Variants in ANO4 observed in about 807,000 individuals in gnomAD.
ANO4 encodes the protein anoctamin-4.
A neutral mutation model predicts 141.9 loss-of-function variants in ANO4; 69 were observed. The ratio of observed to expected loss-of-function variants is 0.49; its 90% CI spans 0.40 to 0.59. ANO4 has a LOEUF of 0.59. Ranked by LOEUF, ANO4 falls within the 20% of genes least tolerant of loss-of-function variation. The pLI is 0.00. For synonymous variants in ANO4, 350 were observed against 394.3 expected (o/e 0.89, Z 1.33); for missense variants, 894 against 1,162.2 (o/e 0.77, Z 3.36).
intron 7 of ANO4, among the ~76,000 whole-genome samples, chr12:100,986,653 C>T (rs1039107020): frequency 3.9e-5 from 6 of 152,120 alleles, no homozygotes; most frequent in East Asian, 1.9e-4. Flanking sequence ...CCAAATTCCA[C>T]GTGTTTTCAG....
intron 25 of ANO4, among the ~76,000 whole-genome samples, chr12:101,118,724 TTATC>T (rs2050955333): frequency 6.6e-6 from 1 of 152,162 alleles, no homozygotes; most frequent in Admixed American, 6.5e-5. Context: ...ATTTATTTAT[TTATC>T]TTTTTATACT....
intron 22 of ANO4, 114 bp from the exon 23 acceptor site, chr12:101,110,290 G>C: frequency 9.0e-7 from 1 of 1,106,624 alleles, no homozygotes; most frequent in Non-Finnish European, 1.2e-6. Context: ...TCCCCTGTGC[G>C]TCTGTATTGG....
At chr12:101,032,419 A>G (rs904892730) in intron 9 of ANO4, among the ~76,000 whole-genome samples, 1 of 152,100 alleles carries the variant, frequency 6.6e-6, no homozygotes, top group Non-Finnish European at 1.5e-5. Flanking sequence ...TACGTCTTAT[A>G]CAAAAATTAA....
intron 24 of ANO4, 106 bp downstream of exon 24, chr12:101,111,816 G>T (rs1047108839): frequency 1.7e-5 from 17 of 982,624 alleles, no homozygotes; most frequent in Middle Eastern, 2.3e-4. Context: ...TACATGCCCA[G>T]AAGGAGAGGC....
intron 15 of ANO4, 54 bp from the exon 16 acceptor site, chr12:101,083,624 T>A (rs1294409421): frequency 6.5e-7 from 1 of 1,550,020 alleles, no homozygotes; most frequent in Non-Finnish European, 8.6e-7. Context: ...TATTTCTTTT[T>A]TTATTGTGTG....
intron 1 of ANO4, among the ~76,000 whole-genome samples, chr12:100,829,844 CA>C (rs1250077966): frequency 6.6e-6 from 1 of 152,024 alleles, no homozygotes; most frequent in Non-Finnish European, 1.5e-5. Flanking sequence ...CCATAGCTTT[CA>C]GTGACGTTAA....
chr12:100,782,980 C>G (rs1021527562), intron 3 of ANO4, among the ~76,000 whole-genome samples: 1 of 152,212 alleles, frequency 6.6e-6, no homozygotes, highest in Non-Finnish European at 1.5e-5. Flanking sequence ...TCAAGCAATA[C>G]TCAGCCTGTG....
chr12:100,910,998 A>G (rs2136064185), intron 2 of ANO4, among the ~76,000 whole-genome samples: 1 of 152,224 alleles, frequency 6.6e-6, no homozygotes, highest in East Asian at 1.9e-4. Context: ...TCCAGGAGAG[A>G]AACATTAGGA....
chr12:100,863,877 C>T (rs1021315894), intron 1 of ANO4, among the ~76,000 whole-genome samples: 1 of 152,166 alleles, frequency 6.6e-6, no homozygotes, highest in Non-Finnish European at 1.5e-5. Flanking sequence ...ACTGATCTCA[C>T]TGCCTTGTCT....
At chr12:100,853,594 C>A (rs2038000449) in intron 1 of ANO4, among the ~76,000 whole-genome samples, 1 of 145,812 alleles carries the variant, frequency 6.9e-6, no homozygotes, top group South Asian at 2.3e-4. Flanking sequence ...TTTTAAATAA[C>A]TTTTGGTATC....
rs866182772 is a variant in ANO4 at position 101,027,017 on chromosome 12, C to T, written c.841+6877C>T. Among the ~76,000 whole-genome samples the T allele has an allele frequency of 1.3e-5, 2 of 152,150 alleles. 1 individual carries two copies. Among genetic ancestry groups the T allele is most frequent in the African/African-American group, 4.8e-5 (2 of 41,440 alleles). The stretch of plus-strand genomic sequence containing the variant: ...AAGAACCATCATTAATGTGTGAATC[C>T]TTCATTGGCAACCAAGGTATCTTCT... On this transcript the variant is annotated intron_variant, in intron 9 of 27. Coordinates refer to ENST00000392977, the MANE Select transcript of ANO4 (RefSeq NM_001286615.2).
intron 21 of ANO4, among the ~76,000 whole-genome samples, chr12:101,098,784 TC>T (rs2050081395): frequency 6.6e-6 from 1 of 152,228 alleles, no homozygotes; most frequent in Admixed American, 6.5e-5. Context: ...TATTTTATCT[TC>T]TGATAATAAG....
intron 5 of ANO4, among the ~76,000 whole-genome samples, chr12:100,944,547 T>A: frequency 6.6e-6 from 1 of 152,018 alleles, no homozygotes; most frequent in Non-Finnish European, 1.5e-5. Context: ...ATATTTCTCC[T>A]TTCCTCCACA....
chr12:100,773,327 C>T (rs2033374482), intron 3 of ANO4, among the ~76,000 whole-genome samples: 1 of 152,222 alleles, frequency 6.6e-6, no homozygotes, highest in African/African-American at 2.4e-5. Flanking sequence ...AATTAGACTA[C>T]AAGCTCCATA....
At position 100,989,374 on chromosome 12, in the gene ANO4, A is replaced by G. The variant is rs2044930803; in HGVS notation, c.734+1704A>G. Reference sequence around the variant, plus strand: ...ACCATGTCTCTCTTGTTCATCTTGGAAGTTTTTTAGACAATGAGTTGTTTC... The same window carrying G: ...ACCATGTCTCTCTTGTTCATCTTGGGAGTTTTTTAGACAATGAGTTGTTTC... On this transcript the variant is annotated intron_variant, in intron 8 of 27. Transcript: ENST00000392977. Among the ~76,000 whole-genome samples the G allele has an allele frequency of 2.0e-5, 3 of 152,202 alleles. No individual in the cohort carries two copies. In the South Asian group the frequency reaches 6.2e-4, roughly 32 times the overall value.
intron 14 of ANO4, among the ~76,000 whole-genome samples, chr12:101,076,110 A>T (rs1247282162): frequency 6.6e-6 from 1 of 152,208 alleles, no homozygotes; most frequent in African/African-American, 2.4e-5. Context: ...TAGCCAAAAA[A>T]GGGAATATTA....
chr12:100,984,439 T>C (rs963509458), intron 7 of ANO4, among the ~76,000 whole-genome samples: 2 of 152,188 alleles, frequency 1.3e-5, no homozygotes, highest in Non-Finnish European at 2.9e-5. Context: ...GTTCCTTTGC[T>C]TTCCATCACT....
intron 3 of ANO4, among the ~76,000 whole-genome samples, chr12:100,760,896 G>T (rs1473199177): frequency 6.6e-6 from 1 of 152,154 alleles, no homozygotes; most frequent in African/African-American, 2.4e-5. Context: ...ACTCATCAAG[G>T]TGGAACATGG....
chr12:100,942,801 T>C (rs879505346), intron 5 of ANO4, among the ~76,000 whole-genome samples: 1 of 152,212 alleles, frequency 6.6e-6, no homozygotes, highest in Non-Finnish European at 1.5e-5. Context: ...ATTCCTTATC[T>C]AACTTCCTAC....
Sources: gnomAD v4.1 joint callset for allele counts (sites outside exome capture counted in the v4.1 genomes callset) on GRCh38, gnomAD v4.1.1 for gene constraint, MANE v1.5 for transcripts, NCBI Gene and HGNC (gene_info 2026-07-23, HGNC 2026-07-21) for gene names.